KHDRBS2: variants seen among roughly 807,000 people sequenced by gnomAD.
The protein encoded by KHDRBS2 is KH domain-containing, RNA-binding, signal transduction-associated protein 2.
KHDRBS2 carries 26 observed loss-of-function variants against 44.3 expected under a neutral mutation model. The ratio of observed to expected loss-of-function variants is 0.59; its 90% confidence interval spans 0.43 to 0.81. The LOEUF is 0.81. Ranked by LOEUF, KHDRBS2 falls within the 40% of genes least tolerant of loss-of-function variation. KHDRBS2 has a pLI of 0.00. For missense variants in KHDRBS2, 476 were observed against 433.1 expected (o/e 1.10, Z -0.88); for synonymous variants, 194 against 151.1 (o/e 1.28, Z -2.08).
chr6:61,650,608 CT>C, the KHDRBS2 span, among the ~76,000 whole-genome samples: 89,693 of 150,098 alleles, frequency 0.6, 26,939 homozygotes, highest in Non-Finnish European at 0.65. Flanking sequence ...AACTTAATGC[CT>C]TTTTTTTTTT....
intron 4 of KHDRBS2, among the ~76,000 whole-genome samples, chr6:61,921,975 A>G (rs1808151885): frequency 6.7e-6 from 1 of 148,326 alleles, no homozygotes; most frequent in African/African-American, 2.5e-5. Context: ...CTTTCTTTAG[A>G]GTGGCAAGCC....
At chr6:62,189,286 A>T (rs891908355) in intron 1 of KHDRBS2, among the ~76,000 whole-genome samples, 1 of 151,996 alleles carries the variant, frequency 6.6e-6, no homozygotes. Context: ...CTTAGAAATA[A>T]GTCCTCTCTC....
chr6:61,610,133 G>A, the KHDRBS2 span, among the ~76,000 whole-genome samples: 3 of 151,884 alleles, frequency 2.0e-5, no homozygotes, highest in Non-Finnish European at 4.4e-5. Flanking sequence ...CCAAGATCAC[G>A]CCACTCCACT....
At chr6:61,681,814 A>T (rs935242368) in intron 8 of KHDRBS2, among the ~76,000 whole-genome samples, 1 of 151,944 alleles carries the variant, frequency 6.6e-6, no homozygotes, top group Non-Finnish European at 1.5e-5. Context: ...GCTTTTGAGT[A>T]CTGTGGAAAA....
chr6:62,019,672 T>C (rs1781894188), intron 3 of KHDRBS2, among the ~76,000 whole-genome samples: 2 of 152,116 alleles, frequency 1.3e-5, no homozygotes, highest in Admixed American at 1.3e-4. Context: ...ATAGTTCAAA[T>C]ATTTTTTAAA....
chr6:62,055,815 G>A (rs1441410636), intron 2 of KHDRBS2, among the ~76,000 whole-genome samples: 1 of 151,964 alleles, frequency 6.6e-6, no homozygotes, highest in Non-Finnish European at 1.5e-5. Flanking sequence ...ATGAATTGGA[G>A]TCCATTATTC....
At chr6:62,019,704 T>C (rs1390073714) in intron 3 of KHDRBS2, among the ~76,000 whole-genome samples, 1 of 152,108 alleles carries the variant, frequency 6.6e-6, no homozygotes, top group Non-Finnish European at 1.5e-5. Context: ...TCATATAATC[T>C]GTAGAAGGTA....
chr6:61,620,645 A>G, the KHDRBS2 span, among the ~76,000 whole-genome samples: 4 of 151,304 alleles, frequency 2.6e-5, no homozygotes, highest in Admixed American at 6.6e-5. Context: ...CTTCAGGAGA[A>G]ACTGCTGCAA....
chr6:61,804,202 C>CG (rs1786756249), intron 6 of KHDRBS2, among the ~76,000 whole-genome samples: 1 of 152,090 alleles, frequency 6.6e-6, no homozygotes, highest in Admixed American at 6.6e-5. Flanking sequence ...AAGGGACTAC[C>CG]GGCCCCTTGC....
At chr6:61,574,896 G>A in the KHDRBS2 span, among the ~76,000 whole-genome samples, 3,718 of 151,982 alleles carry the variant, frequency 0.024, 71 homozygotes, top group Middle Eastern at 0.085. Flanking sequence ...CAACAAGGGC[G>A]AAATACCATC....
intron 4 of KHDRBS2, among the ~76,000 whole-genome samples, chr6:61,958,200 T>C (rs532404498): frequency 1.4e-3 from 206 of 152,288 alleles, no homozygotes; most frequent in Non-Finnish European, 2.4e-3. Flanking sequence ...ATATCCCTTC[T>C]ATTCTTAATT....
At chr6:61,881,766 T>G (rs533884767) in intron 6 of KHDRBS2, among the ~76,000 whole-genome samples, 209 of 152,146 alleles carry the variant, frequency 1.4e-3, no homozygotes, top group Middle Eastern at 6.8e-3. Flanking sequence ...ACAATATTAA[T>G]AGTCAGTATG....
intron 1 of KHDRBS2, among the ~76,000 whole-genome samples, chr6:62,221,268 T>C (rs1830848563): frequency 6.6e-6 from 1 of 152,026 alleles, no homozygotes; most frequent in African/African-American, 2.4e-5. Flanking sequence ...AGGTTGAATA[T>C]ACAGAGATAG....
intron 2 of KHDRBS2, among the ~76,000 whole-genome samples, chr6:62,074,803 T>G (rs1442528662): frequency 6.6e-6 from 1 of 151,868 alleles, no homozygotes; most frequent in Non-Finnish European, 1.5e-5. Context: ...GACCTTAACA[T>G]ATTTTATTAT....
At chr6:62,006,850 A>G (rs1779327234) in intron 3 of KHDRBS2, among the ~76,000 whole-genome samples, 1 of 152,080 alleles carries the variant, frequency 6.6e-6, no homozygotes, top group Admixed American at 6.6e-5. Flanking sequence ...TCATCAAAAT[A>G]TATCAATAAA....
intron 4 of KHDRBS2, among the ~76,000 whole-genome samples, chr6:61,921,461 T>C (rs764777657): frequency 1.3e-5 from 2 of 152,048 alleles, no homozygotes; most frequent in Non-Finnish European, 2.9e-5. Context: ...TGGACTCTGG[T>C]TGGCAACTTT....
intron 6 of KHDRBS2, among the ~76,000 whole-genome samples, chr6:61,877,896 T>C (rs62414715): frequency 0.34 from 51,970 of 151,772 alleles, 9,500 homozygotes; most frequent in African/African-American, 0.48. Context: ...ATAAAAATTA[T>C]CTAAAATGTT....
chr6:61,579,889 C>A, the KHDRBS2 span, among the ~76,000 whole-genome samples: 1 of 111,796 alleles, frequency 8.9e-6, no homozygotes, highest in Non-Finnish European at 1.8e-5. Flanking sequence ...GAAACCCCGT[C>A]TCTACTAAAA....
At chr6:61,803,184 G>C (rs913713260) in intron 6 of KHDRBS2, among the ~76,000 whole-genome samples, 18 of 152,068 alleles carry the variant, frequency 1.2e-4, no homozygotes, top group Non-Finnish European at 1.2e-4. Context: ...GAGTAACTGT[G>C]AACTGGGAAC....
Sources: gnomAD v4.1 joint callset for allele counts (sites outside exome capture counted in the v4.1 genomes callset) on GRCh38, gnomAD v4.1.1 for gene constraint, MANE v1.5 for transcripts, NCBI Gene and HGNC (gene_info 2026-07-23, HGNC 2026-07-21) for gene names.